ELAVL2: variants seen among roughly 807,000 people sequenced by gnomAD.
The protein encoded by ELAVL2 is ELAV like RNA binding protein 2.
In ELAVL2, 4 loss-of-function variants were observed where a neutral mutation model predicts 34.6. The ratio of observed to expected loss-of-function variants is 0.12; its 90% CI spans 0.06 to 0.26. The LOEUF is 0.26. Ranked by LOEUF, ELAVL2 falls within the 10% of genes least tolerant of loss-of-function variation. ELAVL2 has a pLI of 1.00. For missense variants in ELAVL2, 432 were observed against 442.8 expected (o/e 0.98, Z 0.22); for synonymous variants, 193 against 154.8 (o/e 1.25, Z -1.83).
intron 1 of ELAVL2, among the ~76,000 whole-genome samples, chr9:23,770,394 A>G (rs537250096): frequency 6.6e-6 from 1 of 152,166 alleles, no homozygotes; most frequent in South Asian, 2.1e-4. Flanking sequence ...TCTACATCCT[A>G]CTCCCAGAAG....
At chr9:23,846,100 CA>C in the ELAVL2 span, among the ~76,000 whole-genome samples, 401 of 151,834 alleles carry the variant, frequency 2.6e-3, 5 homozygotes, top group African/African-American at 9.0e-3. Context: ...ATTTTATAAA[CA>C]AAAAAGATCA....
At chr9:23,703,469 A>C (rs746804507) in intron 4 of ELAVL2, among the ~76,000 whole-genome samples, 4 of 152,214 alleles carry the variant, frequency 2.6e-5, no homozygotes, top group African/African-American at 9.6e-5. Flanking sequence ...TCACTTGACT[A>C]AATAGTCTCA....
chr9:23,776,285 T>C (rs1046570222), intron 1 of ELAVL2, among the ~76,000 whole-genome samples: 1 of 152,208 alleles, frequency 6.6e-6, no homozygotes, highest in Non-Finnish European at 1.5e-5. Flanking sequence ...GAATCAGCAT[T>C]TTTTAATTCC....
chr9:23,701,260 T>C, intron 5 of ELAVL2, 119 bp downstream of exon 5: 1 of 1,091,884 alleles, frequency 9.2e-7, no homozygotes, highest in South Asian at 1.5e-5. Flanking sequence ...TTAATAGTAA[T>C]AAAACCAACA....
At chr9:23,780,501 A>G (rs957495213) in intron 1 of ELAVL2, among the ~76,000 whole-genome samples, 1 of 152,194 alleles carries the variant, frequency 6.6e-6, no homozygotes, top group Admixed American at 6.5e-5. Flanking sequence ...TTATTTTCTT[A>G]GAAAATTTGT....
At chr9:23,789,050 T>C (rs1019013107) in intron 1 of ELAVL2, among the ~76,000 whole-genome samples, 2 of 152,212 alleles carry the variant, frequency 1.3e-5, no homozygotes, top group African/African-American at 4.8e-5. Flanking sequence ...TTCTGTATTC[T>C]TATAGAGGGC....
rs140860993 is a variant in ELAVL2 at position 23,749,007 on chromosome 9, T to A, written c.229+12999A>T. On this transcript the variant is annotated intron_variant, in intron 2 of 6. Coordinates refer to ENST00000397312, the MANE Select transcript of ELAVL2 (RefSeq NM_004432.5). ...AGGTGGGTGAGGAGTTACTGTTTGA[T>A]GGTTACAGAGTTTCTATCTGGGATG... 2.6e-3 allele frequency among the ~76,000 whole-genome samples: 392 copies of A among 152,168 alleles called. 1 individual carries two copies. Among genetic ancestry groups the A allele is most frequent in the African/African-American group, 8.1e-3 (338 of 41,540 alleles).
rs768292755 is a variant in ELAVL2, at chr9:23,701,649, G to A, written c.488-45C>T. The A allele has an allele frequency of 4.4e-6, 7 of 1,586,962 alleles. No individual in the cohort carries two copies. The South Asian group carries it at 6.7e-5, about 15-fold the overall frequency. On this transcript the variant is annotated intron_variant, in intron 4 of 6. Transcript: ENST00000397312. ...AGATTTGGAAAAGAGGGAACAGAAGGAGAAGGGAAGGAGAGAAGAAAGGAC... is the reference window on the plus strand; with the variant it reads ...AGATTTGGAAAAGAGGGAACAGAAGAAGAAGGGAAGGAGAGAAGAAAGGAC...
At chr9:23,734,085 A>G (rs751902865) in intron 2 of ELAVL2, among the ~76,000 whole-genome samples, 2 of 152,208 alleles carry the variant, frequency 1.3e-5, no homozygotes, top group Admixed American at 1.3e-4. Flanking sequence ...CCTAAGCAAA[A>G]TAATATGAAA....
intron 5 of ELAVL2, among the ~76,000 whole-genome samples, chr9:23,696,306 T>G (rs1322713789): frequency 6.6e-6 from 1 of 151,962 alleles, no homozygotes; most frequent in Non-Finnish European, 1.5e-5. Flanking sequence ...CAACGGGTGC[T>G]CTACATGGGC....
At chr9:23,762,334 C>A (rs1012595621) in intron 1 of ELAVL2, 85 bp from the exon 2 acceptor site, 3 of 1,511,710 alleles carry the variant, frequency 2.0e-6, no homozygotes, top group Admixed American at 2.0e-5. Flanking sequence ...ACACTTGTCA[C>A]TAAACACAAG....
chr9:23,757,521 G>A (rs1351046683), intron 2 of ELAVL2, among the ~76,000 whole-genome samples: 2 of 151,830 alleles, frequency 1.3e-5, no homozygotes, highest in African/African-American at 4.8e-5. Context: ...GGGCTTTTCT[G>A]ACTGTAACAC....
At chr9:23,822,138 G>C (rs1331861949) in intron 1 of ELAVL2, among the ~76,000 whole-genome samples, 1 of 152,134 alleles carries the variant, frequency 6.6e-6, no homozygotes, top group East Asian at 1.9e-4. Context: ...GGCGCTAACG[G>C]GGAGTCAGAG....
rs1421886332 is a variant in ELAVL2, at chr9:23,825,924, T to C, written c.-134A>G. On this transcript the variant is annotated 5_prime_UTR_variant, in exon 1 of 7. Transcript: ENST00000397312. ...TTAAGACAGCACGAAACCTAAACTG[T>C]GCTCGGCTTAAAAGAAGCAAATAAA... is the stretch of plus-strand genomic sequence containing the variant. 1 of 152,080 alleles carries C rather than the reference T, an allele frequency of 6.6e-6. No individual in the cohort carries two copies. The highest frequency in any genetic ancestry group is 1.5e-5 in the Non-Finnish European group (1 of 68,044). 9.4% of individuals were successfully genotyped at this position (152,080 alleles called of 1,614,324 possible). A position where few individuals can be genotyped will look rare whatever the true frequency, so the allele number is the denominator to read the frequency against.
intron 1 of ELAVL2, among the ~76,000 whole-genome samples, chr9:23,782,411 C>T (rs1169377808): frequency 6.9e-6 from 1 of 145,562 alleles, no homozygotes; most frequent in Non-Finnish European, 1.5e-5. Context: ...ATTAAAAATA[C>T]AAAAAAAAAA....
intron 2 of ELAVL2, among the ~76,000 whole-genome samples, chr9:23,732,788 C>G (rs980554374): frequency 6.6e-6 from 1 of 152,144 alleles, no homozygotes; most frequent in African/African-American, 2.4e-5. Context: ...CCTCTCTGAA[C>G]CACAGCTTCC....
intron 2 of ELAVL2, among the ~76,000 whole-genome samples, chr9:23,754,374 C>G (rs2052989665): frequency 6.6e-6 from 1 of 152,086 alleles, no homozygotes. Context: ...GAGATGTTAA[C>G]TGGGAATTAA....
At chr9:23,761,059 A>C (rs1225797307) in intron 2 of ELAVL2, among the ~76,000 whole-genome samples, 1 of 152,038 alleles carries the variant, frequency 6.6e-6, no homozygotes, top group African/African-American at 2.4e-5. Context: ...ATGTCACATG[A>C]CTAGGTGAGA....
chr9:23,806,838 A>G (rs1432507102), intron 1 of ELAVL2, among the ~76,000 whole-genome samples: 1 of 152,168 alleles, frequency 6.6e-6, no homozygotes, highest in African/African-American at 2.4e-5. Context: ...ACAGCTCCTT[A>G]ACTCTCATAC....
Sources: gnomAD v4.1 joint callset for allele counts (sites outside exome capture counted in the v4.1 genomes callset) on GRCh38, gnomAD v4.1.1 for gene constraint, MANE v1.5 for transcripts, NCBI Gene and HGNC (gene_info 2026-07-23, HGNC 2026-07-21) for gene names.